The following HAPLN1 variants were observed in gnomAD, a reference collection of about 807,000 sequenced individuals.
HAPLN1 encodes the protein Cartilage link protein.
Under a neutral mutation model 36.5 loss-of-function variants are expected in HAPLN1, and 13 were observed. That is an observed-to-expected ratio of 0.36 (90% CI 0.23 to 0.57). The LOEUF (loss-of-function observed/expected upper bound fraction) is 0.57. HAPLN1 is among the 20% of genes least tolerant of loss of function. The pLI is 0.83. For synonymous variants in HAPLN1, 202 were observed against 169.8 expected (o/e 1.19, Z -1.48); for missense variants, 407 against 439.7 (o/e 0.93, Z 0.66).
chr5:83,679,840 G>A (rs1750957426), intron 1 of HAPLN1, among the ~76,000 whole-genome samples: 2 of 152,118 alleles, frequency 1.3e-5, no homozygotes, highest in African/African-American at 2.4e-5. Context: ...TTTTTTATCT[G>A]TCAATTAAAA....
rs368195771 is a variant in HAPLN1, at chr5:83,681,580, G to A, written c.-26-8031C>T. 1.0e-3 allele frequency among the ~76,000 whole-genome samples: 159 copies of A among 151,956 alleles called. 2 individuals are homozygous for A. Among genetic ancestry groups the A allele is most frequent in the African/African-American group, 3.7e-3 (152 of 41,436 alleles). Reference sequence around the variant, plus strand: ...GGCTGGAGTGCAGTGGTGAGATCACGTCTCACTGCACCCTCAACCTCCTGG... The same window carrying A: ...GGCTGGAGTGCAGTGGTGAGATCACATCTCACTGCACCCTCAACCTCCTGG... On this transcript the variant is annotated intron_variant, in intron 1 of 4. Transcript: ENST00000274341.
At position 83,641,462 on chromosome 5, in the gene HAPLN1, A is replaced by G. The variant is rs1465026415; in HGVS notation, c.*34T>C. The G allele has an allele frequency of 1.3e-6, 2 of 1,529,956 alleles. No individual in the cohort carries two copies. The highest frequency in any genetic ancestry group is 1.3e-5 in the South Asian group (1 of 78,336). The allele number at this position is 1,529,956 out of a possible 1,614,324, so 94.8% of individuals were successfully genotyped here. On this transcript the variant is annotated 3_prime_UTR_variant, in exon 5 of 5. Coordinates refer to ENST00000274341, the MANE Select transcript of HAPLN1 (RefSeq NM_001884.4). ...AAAAAACACCTTTCACATGTTCTTA[A>G]TGACTTTAAAACTGATGCGCTCTAA... is the stretch of plus-strand genomic sequence containing the variant.
At chr5:83,650,042 G>A (rs1307401972) in intron 3 of HAPLN1, among the ~76,000 whole-genome samples, 1 of 152,218 alleles carries the variant, frequency 6.6e-6, no homozygotes, top group Non-Finnish European at 1.5e-5. Context: ...GCACAGGACA[G>A]GTCCTAGCTT....
intron 2 of HAPLN1, among the ~76,000 whole-genome samples, chr5:83,666,614 A>G (rs1750558665): frequency 3.3e-5 from 5 of 152,144 alleles, no homozygotes; most frequent in Admixed American, 3.3e-4. Context: ...CAAGTTTAGA[A>G]ATATTCTTAA....
At position 83,641,503 on chromosome 5, in the gene HAPLN1, T is replaced by C. The variant is rs765446088; in HGVS notation, c.1058A>G (p.Tyr353Cys). The C allele has an allele frequency of 1.2e-6, 2 of 1,600,966 alleles. No individual in the cohort carries two copies. Among genetic ancestry groups the C allele is most frequent in the African/African-American group, 1.3e-5 (1 of 74,676 alleles). Residue 353 changes from tyrosine to cysteine, a missense_variant, in exon 5 of 5, where the codon TAC becomes TGC. Physicochemically the swap from Tyr to Cys is radical, Grantham distance 194. Coordinates refer to ENST00000274341, the MANE Select transcript of HAPLN1 (RefSeq NM_001884.4). ...KLYGVYCFRA[Y>C]N ...TGCGCTCTAAGGGCACATTCAGTTG[T>C]ATGCTCTGAAGCAGTAGACACCATA...
intron 1 of HAPLN1, among the ~76,000 whole-genome samples, chr5:83,715,565 C>T (rs1178568019): frequency 6.6e-6 from 1 of 152,190 alleles, no homozygotes; most frequent in Non-Finnish European, 1.5e-5. Context: ...CTGCCTGGTG[C>T]AAATGGTAAG....
intron 2 of HAPLN1, among the ~76,000 whole-genome samples, chr5:83,668,428 G>T (rs1750613890): frequency 6.6e-6 from 1 of 152,190 alleles, no homozygotes; most frequent in African/African-American, 2.4e-5. Context: ...GCAATGCAAA[G>T]CTCTGAGTCT....
intron 3 of HAPLN1, 22 bp from the exon 4 acceptor site, chr5:83,644,687 G>A (rs41271133): frequency 0.046 from 64,233 of 1,390,196 alleles, 1,677 homozygotes; most frequent in Non-Finnish European, 0.054. Context: ...AGAAAGCAAG[G>A]AGTTGTTAGA....
At chr5:83,699,077 T>A (rs1751451111) in intron 1 of HAPLN1, among the ~76,000 whole-genome samples, 1 of 152,180 alleles carries the variant, frequency 6.6e-6, no homozygotes. Flanking sequence ...TTCACTGTTG[T>A]GTATAAATTA....
At chr5:83,702,071 T>G (rs955948067) in intron 1 of HAPLN1, among the ~76,000 whole-genome samples, 8 of 152,110 alleles carry the variant, frequency 5.3e-5, no homozygotes, top group African/African-American at 1.9e-4. Context: ...AAGTGTTACA[T>G]GAATGATGCA....
chr5:83,662,816 A>AGTAATTT (rs1173176948), intron 2 of HAPLN1, among the ~76,000 whole-genome samples: 3 of 152,350 alleles, frequency 2.0e-5, no homozygotes, highest in Admixed American at 1.3e-4. Flanking sequence ...TGTGAGGTTA[A>AGTAATTT]GTAATTTGTA....
intron 1 of HAPLN1, among the ~76,000 whole-genome samples, chr5:83,681,903 C>T (rs1751011183): frequency 6.6e-6 from 1 of 152,106 alleles, no homozygotes; most frequent in African/African-American, 2.4e-5. Context: ...CTCTTGTGCT[C>T]ATATGCACAC....
rs142340116 is a variant in HAPLN1, at chr5:83,704,839, C to A, written c.-27+15950G>T. ...TCAACATTCCACTGACAGTATTAGA[C>A]AGATCATCAAGGCAGAAAATTAACA... On this transcript the variant is annotated intron_variant, in intron 1 of 4. Coordinates refer to ENST00000274341, the MANE Select transcript of HAPLN1 (RefSeq NM_001884.4). Among the ~76,000 whole-genome samples, 837 of 152,224 alleles carry A rather than the reference C, an allele frequency of 5.5e-3. 8 individuals carry two copies. The highest frequency in any genetic ancestry group is 0.019 in the African/African-American group (805 of 41,518).
Position 83,694,505 on chromosome 5 carries a change from C to A in HAPLN1, c.-26-20956G>T, listed in dbSNP as rs193004135. On this transcript the variant is annotated intron_variant, in intron 1 of 4. Transcript: ENST00000274341. ...TCAATATAATTCATAAATCTCTATA[C>A]AAGCTAATCTGATAAAATATAAAAG... Among the ~76,000 whole-genome samples, 184 of 151,886 alleles carry A rather than the reference C, an allele frequency of 1.2e-3. 1 individual carries two copies. The highest frequency in any genetic ancestry group is 9.4e-4 in the Non-Finnish European group (64 of 67,852).
chr5:83,661,410 C>T (rs931574031), intron 2 of HAPLN1, among the ~76,000 whole-genome samples: 16 of 143,646 alleles, frequency 1.1e-4, no homozygotes, highest in African/African-American at 4.1e-4. Flanking sequence ...TTAAGAATCA[C>T]AATGGTGGTC....
intron 1 of HAPLN1, among the ~76,000 whole-genome samples, chr5:83,714,363 T>C (rs1420161964): frequency 6.6e-6 from 1 of 151,952 alleles, no homozygotes; most frequent in African/African-American, 2.4e-5. Flanking sequence ...TGGGGTATAA[T>C]AAAAAAAACT....
chr5:83,646,501 C>T (rs1477411366), intron 3 of HAPLN1, among the ~76,000 whole-genome samples: 3 of 152,196 alleles, frequency 2.0e-5, no homozygotes, highest in African/African-American at 7.2e-5. Flanking sequence ...AATCAAGTCA[C>T]ATCCACTGAA....
chr5:83,659,464 C>T (rs1750319410), intron 2 of HAPLN1, among the ~76,000 whole-genome samples: 1 of 152,060 alleles, frequency 6.6e-6, no homozygotes, highest in South Asian at 2.1e-4. Flanking sequence ...CCTTGGTAGA[C>T]TATGAGAAGT....
intron 2 of HAPLN1, among the ~76,000 whole-genome samples, chr5:83,662,886 A>G (rs1280643424): frequency 6.6e-6 from 1 of 152,258 alleles, no homozygotes; most frequent in Non-Finnish European, 1.5e-5. Flanking sequence ...TCACTTAGTA[A>G]AGAAGACGTC....
Sources: gnomAD v4.1 joint callset for allele counts (sites outside exome capture counted in the v4.1 genomes callset) on GRCh38, gnomAD v4.1.1 for gene constraint, MANE v1.5 for transcripts, NCBI Gene and HGNC (gene_info 2026-07-23, HGNC 2026-07-21) for gene names.